PANK2: variants seen among roughly 807,000 people sequenced by gnomAD.
PANK2 encodes pantothenate kinase 2, mitochondrial.
Under a neutral mutation model 43.1 loss-of-function variants are expected in PANK2, and 36 were observed. That is an observed-to-expected ratio of 0.84 (90% confidence interval 0.64 to 1.10). PANK2 has a LOEUF of 1.10. PANK2 is among the 50% of genes least tolerant of loss of function. The probability of loss-of-function intolerance (pLI) is 0.00; values close to 1 mark genes in which losing one functional copy is unlikely to be tolerated. For missense variants in PANK2, 576 were observed against 593.3 expected, an observed-to-expected ratio of 0.97 and a Z score of 0.30; for synonymous variants, 281 against 238.2, an observed-to-expected ratio of 1.18 and a Z score of -1.66.
Position 3,889,678 on chromosome 20 carries a change from C to T in PANK2, c.248C>T (p.Pro83Leu). 2 of 1,593,002 alleles carry T rather than the reference C, an allele frequency of 1.3e-6. No homozygotes were observed. Among genetic ancestry groups the T allele is most frequent in the Non-Finnish European group, 1.7e-6 (2 of 1,177,872 alleles). The change falls in exon 1 of 7, where the codon CCC (proline) becomes CTC (leucine). Residue 83 changes from proline (P) to leucine (L), a missense_variant. This residue lies in a region of PANK2 where 544 missense variants were observed against 528.9 expected (regional missense o/e 1.03). Transcript: ENST00000610179. ...GATCGACTGGGCTCTTACAGCGGCC[C>T]CACCTCGGTCTCCCGCCAGCGCGTC... is the stretch of plus-strand genomic sequence containing the variant.
At chr20:3,916,221 T>C (rs2090557360) in intron 4 of PANK2, among the ~76,000 whole-genome samples, 1 of 152,244 alleles carries the variant, frequency 6.6e-6, no homozygotes, top group Admixed American at 6.5e-5. Context: ...ATGAAATCAT[T>C]GTCTCCATTT....
intron 1 of PANK2, among the ~76,000 whole-genome samples, chr20:3,897,389 G>GCC (rs1421422503): frequency 1.3e-5 from 2 of 152,232 alleles, no homozygotes; most frequent in African/African-American, 4.8e-5. Flanking sequence ...TAACTAGAAG[G>GCC]CAGGGGCCTT....
At chr20:3,902,321 G>C (rs557990990) in intron 1 of PANK2, among the ~76,000 whole-genome samples, 2 of 151,490 alleles carry the variant, frequency 1.3e-5, no homozygotes, top group Non-Finnish European at 2.9e-5. Flanking sequence ...TGTGCGCCTG[G>C]CTAATTTTTT....
At chr20:3,903,098 A>G (rs1300607593) in intron 1 of PANK2, among the ~76,000 whole-genome samples, 1 of 147,922 alleles carries the variant, frequency 6.8e-6, no homozygotes, top group Non-Finnish European at 1.5e-5. Context: ...TCTCAAGCCC[A>G]TGATTTGCTT....
chr20:3,894,294 GCA>G (rs948450885), intron 1 of PANK2, among the ~76,000 whole-genome samples: 4 of 151,750 alleles, frequency 2.6e-5, no homozygotes, highest in African/African-American at 9.7e-5. Flanking sequence ...AGGCTGGAGT[GCA>G]ATGGCGTGAT....
At chr20:3,922,681 T>C (rs761937377) in intron 6 of PANK2, among the ~76,000 whole-genome samples, 25 of 152,068 alleles carry the variant, frequency 1.6e-4, no homozygotes, top group Non-Finnish European at 1.8e-4. Flanking sequence ...CTCTTACTCC[T>C]GTGTCCCCTT....
intron 4 of PANK2, among the ~76,000 whole-genome samples, chr20:3,914,906 A>G (rs1193427729): frequency 6.6e-6 from 1 of 152,150 alleles, no homozygotes; most frequent in Non-Finnish European, 1.5e-5. Context: ...CACTGTGCCC[A>G]GCCCGAACAT....
chr20:3,926,831 T>C lies in PANK2; in HGVS notation c.*3537T>C, dbSNP rs539174424. 1 of 150,878 alleles carries C rather than the reference T, an allele frequency of 6.6e-6. No individual in the cohort carries two copies. Among genetic ancestry groups the C allele is most frequent in the Non-Finnish European group, 1.5e-5 (1 of 67,996 alleles). The allele number at this position is 150,878 out of a possible 1,614,324, so 9.3% of individuals were successfully genotyped here. A position where few individuals can be genotyped will look rare whatever the true frequency, so the allele number is the denominator to read the frequency against. ...GGTGGTGCGTGCCTGTAATCCCAGG[T>C]ACTCGAGAGGCTGAGGCAGACAGTT... On this transcript the variant is annotated 3_prime_UTR_variant, in exon 7 of 7. Transcript: ENST00000610179.
intron 2 of PANK2, chr20:3,908,584 A>G: frequency 3.1e-6 from 1 of 320,380 alleles, no homozygotes; most frequent in Admixed American, 4.4e-5. Context: ...GATCATGAAC[A>G]ATGAGATTGA....
In PANK2 at chr20:3,927,442, A is replaced by T. The variant is rs1028702504; in HGVS notation, c.*4148A>T. On this transcript the variant is annotated 3_prime_UTR_variant, in exon 7 of 7. Transcript: ENST00000610179. ...TATACAAAAATATAGCTTACAAAAA[A>T]CTGCGAATGTTTAAAAATATTCTGC... The T allele has an allele frequency of 6.6e-6, 1 of 152,218 alleles. No individual in the cohort carries two copies. Among genetic ancestry groups the T allele is most frequent in the African/African-American group, 2.4e-5 (1 of 41,454 alleles). The allele number at this position is 152,218 out of a possible 1,614,324, so 9.4% of individuals were successfully genotyped here. A position where few individuals can be genotyped will look rare whatever the true frequency, so the allele number is the denominator to read the frequency against.
Position 3,910,713 on chromosome 20 carries a change from A to G in PANK2, c.788A>G (p.Gln263Arg). 6.2e-7 allele frequency: 1 copy of G among 1,614,220 alleles called. No individual in the cohort carries two copies. The highest frequency in any genetic ancestry group is 8.5e-7 in the Non-Finnish European group (1 of 1,180,038). ...AACCCTGCTGATTCTGAAAAGTGTC[A>G]GAAGTTACCATTTGATTTGAAAAAT... The change falls in exon 3 of 7, where the codon CAG (glutamine) becomes CGG (arginine). Residue 263 changes from glutamine to arginine, a missense_variant. Physicochemically the swap from Gln to Arg is conservative, Grantham distance 43. Coordinates refer to ENST00000610179, the MANE Select transcript of PANK2 (RefSeq NM_001386393.1).
In PANK2 at chr20:3,908,830, G is replaced by A. The variant is rs566637810; in HGVS notation, c.651+552G>A. 3.1e-5 allele frequency: 5 copies of A among 159,250 alleles called. No individual in the cohort carries two copies. The South Asian group carries it at 8.9e-4, about 28-fold the overall frequency. The allele number at this position is 159,250 out of a possible 1,614,324, so 9.9% of individuals were successfully genotyped here. The stretch of plus-strand genomic sequence containing the variant: ...GTGCTGCACACTTAACTGGAGTCTC[G>A]CCACCATGTCTGGCCCCTGGGGAAT... On this transcript the variant is annotated intron_variant, in intron 2 of 6. Transcript: ENST00000610179.
Position 3,907,348 on chromosome 20 carries a change from C to G in PANK2, c.299-578C>G, listed in dbSNP as rs145342221. ...TTCTGACCTCAGGTGATCCACCCACCTTGGCCTCCCAAAGTGTTGAAATTA... is the reference window on the plus strand; with the variant it reads ...TTCTGACCTCAGGTGATCCACCCACGTTGGCCTCCCAAAGTGTTGAAATTA... On this transcript the variant is annotated intron_variant, in intron 1 of 6. Coordinates refer to ENST00000610179, the MANE Select transcript of PANK2 (RefSeq NM_001386393.1). 2.4e-4 allele frequency among the ~76,000 whole-genome samples: 36 copies of G among 152,284 alleles called. No homozygotes were observed. The East Asian group carries it at 6.2e-3, about 26-fold the overall frequency.
chr20:3,916,684 G>A (rs757618370), intron 4 of PANK2, among the ~76,000 whole-genome samples: 8 of 152,150 alleles, frequency 5.3e-5, no homozygotes, highest in Non-Finnish European at 1.0e-4. Flanking sequence ...GTGAATATCT[G>A]GTATCCAAGC....
At chr20:3,914,417 G>C (rs1435745519) in intron 4 of PANK2, among the ~76,000 whole-genome samples, 3 of 151,916 alleles carry the variant, frequency 2.0e-5, no homozygotes, top group African/African-American at 7.3e-5. Flanking sequence ...CTGGGCTCAG[G>C]TGTTTCTCCT....
Position 3,918,706 on chromosome 20 carries a change from G to A in PANK2, c.1242G>A (p.Leu414=). ...AGGTGGTATTTGTTGGAAATTTCTT[G>A]AGAATTAATACGATCGCCATGCGGC... The change falls in exon 6 of 7, where the codon TTG becomes TTA. Residue 414 remains leucine, a synonymous_variant. Transcript: ENST00000610179. 6.2e-7 allele frequency: 1 copy of A among 1,614,222 alleles called. No homozygotes were observed. Among genetic ancestry groups the A allele is most frequent in the Non-Finnish European group, 8.5e-7 (1 of 1,180,046 alleles).
chr20:3,891,945 A>G (rs950330638), intron 1 of PANK2, among the ~76,000 whole-genome samples: 1 of 152,208 alleles, frequency 6.6e-6, no homozygotes, highest in South Asian at 2.1e-4. Context: ...ATGAAAACCC[A>G]TCTTTCCAGT....
chr20:3,916,912 T>TTTCCCC lies in PANK2; in HGVS notation c.1083-14_1083-9dup, dbSNP rs10679953. 0.13 allele frequency: 211,832 copies of TTTCCCC among 1,612,778 alleles called. 15,125 individuals carry two copies. The highest frequency in any genetic ancestry group is 0.25 in the African/African-American group (18,468 of 74,814). ...CTGTTGGTTTAGCAATGGGATTTTT[T>TTTCCCC]TTCCCCCATCACAGCTTTGGAAACA... On this transcript the variant is annotated splice_polypyrimidine_tract_variant and intron_variant, in intron 4 of 6. Transcript: ENST00000610179.
At chr20:3,892,671 C>T (rs2090143279) in intron 1 of PANK2, among the ~76,000 whole-genome samples, 1 of 55,806 alleles carries the variant, frequency 1.8e-5, no homozygotes, top group African/African-American at 5.7e-5. Context: ...GCGACTCTGT[C>T]TCAAAAAAAA....
Sources: gnomAD v4.1 joint callset for allele counts (sites outside exome capture counted in the v4.1 genomes callset) on GRCh38, gnomAD v4.1.1 for gene constraint, gnomAD v4.1.1 regional missense constraint, MANE v1.5 for transcripts, NCBI Gene and HGNC (gene_info 2026-07-23, HGNC 2026-07-21) for gene names.